The following CNBP variants were observed in gnomAD, a reference collection of about 807,000 sequenced individuals.
The protein encoded by CNBP is CCHC-type zinc finger nucleic acid binding protein, also known as cellular nucleic acid-binding protein.
In CNBP, 6 loss-of-function variants were observed where a neutral mutation model predicts 21.2. The observed-to-expected ratio is 0.28, with a 90% CI of 0.16 to 0.56. CNBP has a LOEUF of 0.56. Among genes scored for constraint, CNBP ranks in the 20% least tolerant of loss-of-function variants. CNBP has a pLI of 0.93. For synonymous variants in CNBP, 61 were observed against 74.9 expected, an observed-to-expected ratio of 0.81 and a Z score of 0.96; for missense variants, 112 against 233.1, an observed-to-expected ratio of 0.48 and a Z score of 3.38.
At position 129,171,660 on chromosome 3, in the gene CNBP, C is replaced by T; in HGVS notation, c.98G>A (p.Gly33Asp). Residue 33 changes from glycine to aspartate, a missense_variant, in exon 2 of 5, where the codon GGC becomes GAC. Physicochemically the swap from Gly to Asp is moderately conservative, Grantham distance 94. Transcript: ENST00000422453. ...TCTATCCGAGGTAAAACCACCTCTG[C>T]CACGGCTTCTCATTCCACGACCACG... ...GGRGRGMRSR[G>D]RGGFTSDRGF... 6.2e-7 allele frequency: 1 copy of T among 1,614,234 alleles called. No individual in the cohort carries two copies. Among genetic ancestry groups the T allele is most frequent in the East Asian group, 2.2e-5 (1 of 44,886 alleles).
chr3:129,179,811 T>A (rs540898366), intron 1 of CNBP, among the ~76,000 whole-genome samples: 2 of 151,924 alleles, frequency 1.3e-5, no homozygotes, highest in South Asian at 4.2e-4. Context: ...CCAGTGTGGG[T>A]GACAAAGCGA....
intron 1 of CNBP, among the ~76,000 whole-genome samples, chr3:129,179,264 C>T (rs1317489076): frequency 1.3e-5 from 2 of 150,788 alleles, no homozygotes; most frequent in South Asian, 2.1e-4. Flanking sequence ...GCAACAAGAG[C>T]GAAACTCCAC....
At position 129,181,649 on chromosome 3, in the gene CNBP, C is replaced by CAAAAAAAAAAAAAAAAAAAAAAAAA. The variant is rs1367375702; in HGVS notation, c.-15+2126_-15+2127insTTTTTTTTTTTTTTTTTTTTTTTTT. Among the ~76,000 whole-genome samples the CAAAAAAAAAAAAAAAAAAAAAAAAA allele has an allele frequency of 2.8e-4, 20 of 72,196 alleles. 6 individuals carry two copies. The highest frequency in any genetic ancestry group is 1.3e-3 in the African/African-American group (18 of 14,188). 47.4% of individuals were successfully genotyped at this position (72,196 alleles called of 152,430 possible). On this transcript the variant is annotated intron_variant, in intron 1 of 4. Coordinates refer to ENST00000422453, the MANE Select transcript of CNBP (RefSeq NM_003418.5). ...TGGGCGACAGAGTGAGACTCCGTCTCAGAAAAAAAAAAAGAAAAACCCCTG... is the reference window on the plus strand; with the variant it reads ...TGGGCGACAGAGTGAGACTCCGTCTCAAAAAAAAAAAAAAAAAAAAAAAAAAGAAAAAAAAAAAGAAAAACCCCTG...
chr3:129,178,949 T>C (rs1268282964), intron 1 of CNBP, among the ~76,000 whole-genome samples: 1 of 152,062 alleles, frequency 6.6e-6, no homozygotes, highest in Non-Finnish European at 1.5e-5. Context: ...GGTTTCACCG[T>C]GTTAGCCAGG....
At chr3:129,177,572 CAG>C (rs1379539556) in intron 1 of CNBP, among the ~76,000 whole-genome samples, 8 of 152,290 alleles carry the variant, frequency 5.3e-5, no homozygotes, top group South Asian at 2.1e-4. Flanking sequence ...GGATTGCTTA[CAG>C]AGAGTAGACA....
rs1937487197 is a variant in CNBP, at chr3:129,168,065, A to T, written c.*2388T>A. On this transcript the variant is annotated 3_prime_UTR_variant, in exon 5 of 5. Transcript: ENST00000422453. ...CATGAACTGACAGAACCCTGCATGAAGGATGAAAAACTCATACCCAAAGTC... is the reference window on the plus strand; with the variant it reads ...CATGAACTGACAGAACCCTGCATGATGGATGAAAAACTCATACCCAAAGTC... Among the ~76,000 whole-genome samples, 1 of 152,196 alleles carries T rather than the reference A, an allele frequency of 6.6e-6. No individual in the cohort carries two copies.
At chr3:129,174,292 T>C (rs1291068861) in intron 1 of CNBP, among the ~76,000 whole-genome samples, 1 of 146,384 alleles carries the variant, frequency 6.8e-6, no homozygotes, top group East Asian at 2.0e-4. Flanking sequence ...TGTACTAGTA[T>C]TAGCATCCTA....
intron 1 of CNBP, among the ~76,000 whole-genome samples, chr3:129,183,347 C>A (rs1001219354): frequency 6.6e-6 from 1 of 152,228 alleles, no homozygotes; most frequent in East Asian, 1.9e-4. Flanking sequence ...CCCCATCCCC[C>A]CTTCATCCGC....
chr3:129,172,189 C>G (rs1383563644), intron 1 of CNBP, among the ~76,000 whole-genome samples: 2 of 152,050 alleles, frequency 1.3e-5, no homozygotes, highest in Non-Finnish European at 2.9e-5. Context: ...AATAATCACA[C>G]AACTACATGA....
intron 4 of CNBP, 135 bp from the exon 5 acceptor site, chr3:129,170,705 CACA>C (rs537478452): frequency 1.9e-4 from 134 of 699,600 alleles, no homozygotes; most frequent in African/African-American, 1.5e-3. Context: ...CAGATATGTA[CACA>C]ACAACATTTA....
At position 129,169,824 on chromosome 3, in the gene CNBP, CTT is replaced by C. The variant is rs1051248516; in HGVS notation, c.*627_*628del. On this transcript the variant is annotated 3_prime_UTR_variant, in exon 5 of 5. Transcript: ENST00000422453. ...GTTTACTCTGGGTTTTAGATTTAGT[CTT>C]TGAAAATAATGTGTTCTAAACCTTT... 7.1e-5 allele frequency: 16 copies of C among 226,482 alleles called. No homozygotes were observed. Among genetic ancestry groups the C allele is most frequent in the Non-Finnish European group, 1.2e-4 (14 of 113,740 alleles). 14.0% of individuals were successfully genotyped at this position (226,482 alleles called of 1,614,324 possible).
At chr3:129,174,914 A>G (rs1318389379) in intron 1 of CNBP, among the ~76,000 whole-genome samples, 1 of 151,388 alleles carries the variant, frequency 6.6e-6, no homozygotes, top group Non-Finnish European at 1.5e-5. Context: ...ATACAAAACA[A>G]GGATGGGCAC....
chr3:129,181,257 A>G (rs1436836236), intron 1 of CNBP, among the ~76,000 whole-genome samples: 1 of 150,564 alleles, frequency 6.6e-6, no homozygotes, highest in Admixed American at 6.6e-5. Flanking sequence ...AAAAAAAAAA[A>G]AAAAAAAAAG....
Position 129,169,507 on chromosome 3 carries a change from T to C in CNBP, c.*946A>G, listed in dbSNP as rs1218323015. 5.0e-6 allele frequency: 1 copy of C among 201,556 alleles called. No homozygotes were observed. 12.5% of individuals were successfully genotyped at this position (201,556 alleles called of 1,614,324 possible). On this transcript the variant is annotated 3_prime_UTR_variant, in exon 5 of 5. Coordinates refer to ENST00000422453, the MANE Select transcript of CNBP (RefSeq NM_003418.5). ...GCTTTCAGTCCTCCACATTCCCCTC[T>C]TTAATATGGTATTTTGCACTATATA...
rs372197094 is a variant in CNBP at position 129,169,218 on chromosome 3, C to T, written c.*1235G>A. Among the ~76,000 whole-genome samples, 3 of 152,104 alleles carry T rather than the reference C, an allele frequency of 2.0e-5. No individual in the cohort carries two copies. Among genetic ancestry groups the T allele is most frequent in the East Asian group, 1.9e-4 (1 of 5,194 alleles). On this transcript the variant is annotated 3_prime_UTR_variant, in exon 5 of 5. Coordinates refer to ENST00000422453, the MANE Select transcript of CNBP (RefSeq NM_003418.5). Reference sequence around the variant, plus strand: ...CTGAGGCAGGAGAATTGCTTGAACCCGGGAGGTGGAGGTTGCAGTGAGCCA... The same window carrying T: ...CTGAGGCAGGAGAATTGCTTGAACCTGGGAGGTGGAGGTTGCAGTGAGCCA...
At chr3:129,183,615 C>T (rs1235139322) in intron 1 of CNBP, among the ~76,000 whole-genome samples, 161 bp downstream of exon 1, 1 of 152,240 alleles carries the variant, frequency 6.6e-6, no homozygotes, top group African/African-American at 2.4e-5. Context: ...AACCCGGGTC[C>T]GAGGCGGCGG....
chr3:129,178,501 C>T (rs1220044144), intron 1 of CNBP, among the ~76,000 whole-genome samples: 1 of 152,120 alleles, frequency 6.6e-6, no homozygotes, highest in African/African-American at 2.4e-5. Context: ...ATGACACTAG[C>T]AAAGTAGGGT....
intron 1 of CNBP, among the ~76,000 whole-genome samples, chr3:129,178,063 G>A (rs766757465): frequency 2.0e-5 from 3 of 148,960 alleles, no homozygotes; most frequent in Non-Finnish European, 4.4e-5. Flanking sequence ...GGAGGCTGAC[G>A]CACAAGAATT....
At position 129,171,264 on chromosome 3, in the gene CNBP, G is replaced by A. The variant is rs767954262; in HGVS notation, c.231C>T (p.Cys77=). Residue 77 remains cysteine (C), a synonymous_variant, in exon 4 of 5, where the codon TGC becomes TGT. Transcript: ENST00000422453. ...CDLQEDACYN[C]GRGGHIAKDC... is the part of the protein sequence containing the mutation. Reference sequence around the variant, plus strand: ...CCTTGGCAATGTGGCCACCTCTACCGCAGTTATAGCAGGCTTCAACAATAA... The same window carrying A: ...CCTTGGCAATGTGGCCACCTCTACCACAGTTATAGCAGGCTTCAACAATAA... 1.5e-5 allele frequency: 24 copies of A among 1,614,046 alleles called. No homozygotes were observed. The highest frequency in any genetic ancestry group is 2.7e-5 in the African/African-American group (2 of 74,920).
Sources: allele counts gnomAD v4.1 joint callset (sites outside exome capture counted in the v4.1 genomes callset), GRCh38; gene constraint gnomAD v4.1.1; transcripts MANE v1.5; gene names NCBI Gene and HGNC (gene_info 2026-07-23, HGNC 2026-07-21).